PCOLCE2: variants seen among roughly 807,000 people sequenced by gnomAD.
The protein encoded by PCOLCE2 is procollagen C-proteinase enhancer 2.
Under a neutral mutation model 47.0 loss-of-function variants are expected in PCOLCE2, and 42 were observed. The observed-to-expected ratio is 0.89, with a 90% CI of 0.70 to 1.16. The LOEUF is 1.16. Ranked by LOEUF, PCOLCE2 falls within the 50% of genes most tolerant of loss-of-function variation. PCOLCE2 has a pLI of 0.00. For synonymous variants in PCOLCE2, 169 were observed against 191.7 expected, an observed-to-expected ratio of 0.88 and a Z score of 0.98; for missense variants, 500 against 526.1, an observed-to-expected ratio of 0.95 and a Z score of 0.49.
intron 7 of PCOLCE2, among the ~76,000 whole-genome samples, chr3:142,821,409 T>C (rs1937013112): frequency 6.6e-6 from 1 of 152,204 alleles, no homozygotes; most frequent in Non-Finnish European, 1.5e-5. Flanking sequence ...AGATCTTGTA[T>C]CTTTAGAGGC....
rs1017373849 is a variant in PCOLCE2 at position 142,818,482 on chromosome 3, C to T, written c.1118-17G>A. On this transcript the variant is annotated splice_polypyrimidine_tract_variant and intron_variant, in intron 8 of 8. Transcript: ENST00000295992. ...AATTTAGACCTAAAGAAAGAGAATA[C>T]AGAAATTAATCTTTTTCTCTATGTA... is the stretch of plus-strand genomic sequence containing the variant. The T allele has an allele frequency of 6.3e-7, 1 of 1,594,880 alleles. No individual in the cohort carries two copies. The highest frequency in any genetic ancestry group is 8.6e-7 in the Non-Finnish European group (1 of 1,162,922).
intron 2 of PCOLCE2, among the ~76,000 whole-genome samples, chr3:142,877,239 G>A (rs779317571): frequency 3.1e-4 from 47 of 152,198 alleles, no homozygotes; most frequent in Non-Finnish European, 1.2e-4. Context: ...TGATGGGGTA[G>A]GCAGTGGCTG....
At chr3:142,851,553 A>C (rs1051268125) in intron 2 of PCOLCE2, among the ~76,000 whole-genome samples, 1 of 152,172 alleles carries the variant, frequency 6.6e-6, no homozygotes, top group Non-Finnish European at 1.5e-5. Context: ...AGTAACAACC[A>C]AGACTGTGGT....
chr3:142,880,238 TA>T (rs74558225), intron 2 of PCOLCE2, among the ~76,000 whole-genome samples: 7,101 of 139,822 alleles, frequency 0.051, 274 homozygotes, highest in African/African-American at 0.12. Context: ...ACATATACAT[TA>T]AAAAAAAAAA....
intron 4 of PCOLCE2, among the ~76,000 whole-genome samples, chr3:142,839,857 G>A (rs1394903454): frequency 3.3e-5 from 5 of 152,300 alleles, no homozygotes; most frequent in Admixed American, 6.5e-5. Flanking sequence ...ATTGTAATTG[G>A]ATAACTGGAT....
intron 2 of PCOLCE2, among the ~76,000 whole-genome samples, chr3:142,873,296 G>C (rs991607776): frequency 6.6e-6 from 1 of 151,698 alleles, no homozygotes; most frequent in African/African-American, 2.4e-5. Context: ...AGGAGGCTGA[G>C]GCAGGAAAAT....
Position 142,842,948 on chromosome 3 carries a change from C to T in PCOLCE2, c.549G>A (p.Trp183Ter). The change falls in exon 4 of 9, where the codon TGG becomes TGA. Residue 183 changes from tryptophan (W) to a stop codon, truncating the protein, a stop_gained. Coordinates refer to ENST00000295992, the MANE Select transcript of PCOLCE2 (RefSeq NM_013363.4). LOFTEE classifies it high-confidence loss of function. The surrounding 1 kb of genome is among the most constrained non-coding windows in gnomAD (Gnocchi z 4.1). ...RDYPAGVTCVWHIVAPKNQLI... is the reference protein window; with the variant it reads ...RDYPAGVTCV The stretch of plus-strand genomic sequence containing the variant: ...CCTGATTCTTTGGGGCTACAATGTG[C>T]CACACACAAGTGACTCCTGCAGGGT... 6.2e-7 allele frequency: 1 copy of T among 1,613,966 alleles called. No homozygotes were observed. The highest frequency in any genetic ancestry group is 8.5e-7 in the Non-Finnish European group (1 of 1,179,882).
intron 2 of PCOLCE2, among the ~76,000 whole-genome samples, chr3:142,851,404 G>A (rs1021641244): frequency 6.6e-6 from 1 of 152,140 alleles, no homozygotes. Context: ...AGGGGAGAGT[G>A]GTGAGGTTTG....
Position 142,889,010 on chromosome 3 carries a change from C to CTGG in PCOLCE2, c.-115_-114insCCA. On this transcript the variant is annotated 5_prime_UTR_variant, in exon 1 of 9. Transcript: ENST00000295992. ...ACACTGGCAGCAGCGCTGGCTCACA[C>CTGG]CGGCGCTCGGCTGCCCGCGCGCTCC... The CTGG allele has an allele frequency of 8.7e-6, 4 of 460,122 alleles. No homozygotes were observed. The highest frequency in any genetic ancestry group is 1.5e-5 in the Non-Finnish European group (4 of 275,492). 28.5% of individuals were successfully genotyped at this position (460,122 alleles called of 1,614,324 possible).
chr3:142,835,690 T>C (rs1937195246), intron 5 of PCOLCE2, among the ~76,000 whole-genome samples: 2 of 152,210 alleles, frequency 1.3e-5, no homozygotes, highest in South Asian at 4.1e-4. Flanking sequence ...TCACCCAGGC[T>C]GGAGTGCAGT....
intron 1 of PCOLCE2, among the ~76,000 whole-genome samples, chr3:142,888,171 A>C (rs1933750169): frequency 6.6e-6 from 1 of 152,232 alleles, no homozygotes; most frequent in Admixed American, 6.5e-5. Context: ...ATATAAAAAA[A>C]GTTTGTCGTT....
rs542804384 is a variant in PCOLCE2 at position 142,846,048 on chromosome 3, T to C, written c.448+2169A>G. ...AAATGGAAGCCATCATTCTTATCAC[T>C]CTTCTTCTGTATGGAATTTAGTTTC... On this transcript the variant is annotated intron_variant, in intron 3 of 8. Coordinates refer to ENST00000295992, the MANE Select transcript of PCOLCE2 (RefSeq NM_013363.4). Among the ~76,000 whole-genome samples the C allele has an allele frequency of 5.3e-5, 8 of 152,310 alleles. No individual in the cohort carries two copies. In the South Asian group the frequency reaches 1.7e-3, roughly 32 times the overall value.
intron 2 of PCOLCE2, among the ~76,000 whole-genome samples, chr3:142,850,721 GA>G (rs1283759029): frequency 6.6e-6 from 1 of 152,178 alleles, no homozygotes; most frequent in African/African-American, 2.4e-5. Context: ...AGGATCATGA[GA>G]AAATGGGGTG....
At chr3:142,832,501 C>A (rs1937161363) in intron 5 of PCOLCE2, among the ~76,000 whole-genome samples, 2 of 152,156 alleles carry the variant, frequency 1.3e-5, no homozygotes, top group African/African-American at 4.8e-5. Context: ...GTCCTCCCTG[C>A]TGTCTCTAAC....
At chr3:142,869,466 A>C (rs1933342466) in intron 2 of PCOLCE2, among the ~76,000 whole-genome samples, 1 of 152,164 alleles carries the variant, frequency 6.6e-6, no homozygotes, top group Non-Finnish European at 1.5e-5. Context: ...GTTGGGGGAA[A>C]ATCTACATTC....
chr3:142,841,833 A>G (rs1332469186), intron 4 of PCOLCE2, among the ~76,000 whole-genome samples: 1 of 152,174 alleles, frequency 6.6e-6, no homozygotes, highest in Non-Finnish European at 1.5e-5. Context: ...TTTACCTCAT[A>G]GTGTTTGGGT....
rs201790932 is a variant in PCOLCE2 at position 142,829,864 on chromosome 3, T to C, written c.711-18A>G. The C allele has an allele frequency of 6.7e-7, 1 of 1,482,694 alleles. No homozygotes were observed. Among genetic ancestry groups the C allele is most frequent in the East Asian group, 2.3e-5 (1 of 43,564 alleles). 91.8% of individuals were successfully genotyped at this position (1,482,694 alleles called of 1,614,324 possible). ...CAATTGGCCTAAAAAAAGAAAAATG[T>C]GTTTTTTTATAAATACTTAAAAGTG... On this transcript the variant is annotated intron_variant, in intron 5 of 8. Transcript: ENST00000295992.
chr3:142,851,947 A>G (rs944612884), intron 2 of PCOLCE2, among the ~76,000 whole-genome samples: 1 of 152,182 alleles, frequency 6.6e-6, no homozygotes, highest in Non-Finnish European at 1.5e-5. Flanking sequence ...TTTGTTCCCA[A>G]AAGTTTTGTA....
Position 142,842,895 on chromosome 3 carries a change from G to A in PCOLCE2, c.573+29C>T. On this transcript the variant is annotated intron_variant, in intron 4 of 8. Coordinates refer to ENST00000295992, the MANE Select transcript of PCOLCE2 (RefSeq NM_013363.4). This position sits in a 1 kb window ranked among gnomAD's most constrained non-coding sequence, Gnocchi z 4.1. ...CACACTGGGCAATTCACACATGCAT[G>A]CTTTCTTCACACTTCCAGGGAATCT... 1 of 1,612,596 alleles carries A rather than the reference G, an allele frequency of 6.2e-7. No individual in the cohort carries two copies. Among genetic ancestry groups the A allele is most frequent in the Non-Finnish European group, 8.5e-7 (1 of 1,178,970 alleles).
Sources: allele counts gnomAD v4.1 joint callset (sites outside exome capture counted in the v4.1 genomes callset), GRCh38; gene constraint gnomAD v4.1.1; non-coding constraint Gnocchi (gnomAD v3.1); transcripts MANE v1.5; gene names NCBI Gene and HGNC (gene_info 2026-07-23, HGNC 2026-07-21).